The following GPM6A variants were observed in gnomAD, a reference collection of about 807,000 sequenced individuals.
GPM6A encodes the protein glycoprotein M6A.
GPM6A carries 7 observed loss-of-function variants against 32.1 expected under a neutral mutation model. That is an observed-to-expected ratio of 0.22 (90% CI 0.12 to 0.41). The LOEUF is 0.41. Among genes scored for constraint, GPM6A ranks in the 10% least tolerant of loss-of-function variants. The pLI, the probability that GPM6A is intolerant of heterozygous loss-of-function variation, is 1.00. For synonymous variants in GPM6A, 130 were observed against 123.4 expected, an observed-to-expected ratio of 1.05 and a Z score of -0.35; for missense variants, 235 against 347.2, an observed-to-expected ratio of 0.68 and a Z score of 2.57.
intron 3 of GPM6A, among the ~76,000 whole-genome samples, chr4:175,659,212 A>G (rs900849573): frequency 1.3e-5 from 2 of 151,720 alleles, no homozygotes. Context: ...CCTCTAGAGT[A>G]GCTGGGACTA....
intron 2 of GPM6A, among the ~76,000 whole-genome samples, chr4:175,690,551 C>T (rs1456638725): frequency 6.6e-6 from 1 of 152,244 alleles, no homozygotes; most frequent in Admixed American, 6.5e-5. Flanking sequence ...ACTTCCCTTG[C>T]ACTTTCCGAC....
At chr4:175,873,330 AC>A (rs528093500) in intron 1 of GPM6A, among the ~76,000 whole-genome samples, 14 of 152,236 alleles carry the variant, frequency 9.2e-5, no homozygotes, top group African/African-American at 3.1e-4. Flanking sequence ...TGAAAAAAAA[AC>A]ACTGTAAACA....
chr4:175,760,367 A>G (rs1313297856), intron 1 of GPM6A, among the ~76,000 whole-genome samples: 1 of 152,116 alleles, frequency 6.6e-6, no homozygotes, highest in Admixed American at 6.6e-5. Context: ...GCAGGTGTAT[A>G]AGATGTATAA....
chr4:175,722,706 T>C (rs1275320482), intron 1 of GPM6A, among the ~76,000 whole-genome samples: 2 of 152,054 alleles, frequency 1.3e-5, no homozygotes. Context: ...ATGTACAATA[T>C]GTATAATTTT....
rs545799101 is a variant in GPM6A, at chr4:175,819,734, T to C, written c.-22-7485A>G. On this transcript the variant is annotated intron_variant, in intron 1 of 7. Coordinates refer to the GPM6A transcript ENST00000280187. ...CCACCTGGATATCCGCCTACACTTA[T>C]GTAAGTAGTAGACCCAAAGGCATTT... 3.3e-3 allele frequency among the ~76,000 whole-genome samples: 508 copies of C among 152,348 alleles called. 1 individual carries two copies. Among genetic ancestry groups the C allele is most frequent in the African/African-American group, 0.011 (463 of 41,586 alleles).
chr4:175,929,573 T>C (rs1222007339), intron 1 of GPM6A, among the ~76,000 whole-genome samples: 1 of 152,172 alleles, frequency 6.6e-6, no homozygotes, highest in Non-Finnish European at 1.5e-5. Context: ...CCAGGTGTAA[T>C]ATTACTCCTT....
At chr4:175,698,948 A>T (rs950952162) in intron 2 of GPM6A, among the ~76,000 whole-genome samples, 2 of 152,174 alleles carry the variant, frequency 1.3e-5, no homozygotes, top group African/African-American at 4.8e-5. Context: ...TGTTGTTTAA[A>T]TATCAAATAT....
At chr4:175,808,285 T>G (rs1265030027) in intron 1 of GPM6A, among the ~76,000 whole-genome samples, 1 of 152,202 alleles carries the variant, frequency 6.6e-6, no homozygotes, top group Non-Finnish European at 1.5e-5. Flanking sequence ...TATATCCTTG[T>G]GTGCATAGAT....
chr4:175,648,094 T>G (rs1741574724), intron 4 of GPM6A, among the ~76,000 whole-genome samples: 1 of 151,972 alleles, frequency 6.6e-6, no homozygotes, highest in Non-Finnish European at 1.5e-5. Context: ...TAGAAAGAAA[T>G]AATATAGCAC....
intron 1 of GPM6A, among the ~76,000 whole-genome samples, chr4:175,867,584 T>G (rs1218852506): frequency 6.6e-6 from 1 of 152,200 alleles, no homozygotes; most frequent in Non-Finnish European, 1.5e-5. Context: ...ATTTCTGGGC[T>G]CTCTATTCTG....
chr4:175,801,901 T>C (rs1331151541), intron 1 of GPM6A, among the ~76,000 whole-genome samples: 1 of 152,056 alleles, frequency 6.6e-6, no homozygotes, highest in Non-Finnish European at 1.5e-5. Flanking sequence ...TTATGTAAAA[T>C]AGTGGTCGCT....
rs1738551648 is a variant in GPM6A, at chr4:175,918,084, A to G, written c.-23+84225T>C. Among the ~76,000 whole-genome samples, 3 of 152,060 alleles carry G rather than the reference A, an allele frequency of 2.0e-5. No homozygotes were observed. The South Asian group carries it at 6.2e-4, about 31-fold the overall frequency. ...TATTATATAAATCTTGATTCCCACA[A>G]TGAAAATTTCTATAGAGAGCATATT... On this transcript the variant is annotated intron_variant, in intron 1 of 7. Transcript: ENST00000280187.
intron 3 of GPM6A, among the ~76,000 whole-genome samples, chr4:175,672,521 C>T (rs1368216433): frequency 2.0e-5 from 3 of 152,188 alleles, no homozygotes; most frequent in Non-Finnish European, 4.4e-5. Flanking sequence ...TTGGGCATCA[C>T]TGAAAATTGG....
intron 1 of GPM6A, among the ~76,000 whole-genome samples, chr4:175,909,318 C>T (rs940125691): frequency 3.3e-5 from 5 of 152,040 alleles, no homozygotes; most frequent in South Asian, 4.1e-4. Context: ...CTCCAACTGG[C>T]GCATTTGGAT....
chr4:175,875,918 A>G (rs1248921545), intron 1 of GPM6A, among the ~76,000 whole-genome samples: 1 of 152,166 alleles, frequency 6.6e-6, no homozygotes, highest in Non-Finnish European at 1.5e-5. Context: ...CTTGATGTAA[A>G]TCTTGTCTTG....
At chr4:175,778,458 C>G (rs1232988854) in intron 1 of GPM6A, among the ~76,000 whole-genome samples, 1 of 151,516 alleles carries the variant, frequency 6.6e-6, no homozygotes, top group African/African-American at 2.4e-5. Flanking sequence ...AGCCCCGTCT[C>G]TACTAAAAAT....
intron 1 of GPM6A, among the ~76,000 whole-genome samples, chr4:175,903,494 T>C (rs1172489126): frequency 6.6e-6 from 1 of 152,082 alleles, no homozygotes; most frequent in East Asian, 1.9e-4. Flanking sequence ...TACTTACTAA[T>C]TACAAAGGGG....
At chr4:175,933,823 C>T (rs1420048839) in intron 1 of GPM6A, among the ~76,000 whole-genome samples, 1 of 152,118 alleles carries the variant, frequency 6.6e-6, no homozygotes, top group Non-Finnish European at 1.5e-5. Flanking sequence ...GGATTACAGG[C>T]GTGAGCCACT....
chr4:175,956,967 A>G (rs530428362), intron 1 of GPM6A, among the ~76,000 whole-genome samples: 69 of 152,346 alleles, frequency 4.5e-4, no homozygotes, highest in Non-Finnish European at 6.9e-4. Context: ...AAGTAAACAG[A>G]AATTACTCAA....
Sources: gnomAD v4.1 joint callset for allele counts (sites outside exome capture counted in the v4.1 genomes callset) on GRCh38, gnomAD v4.1.1 for gene constraint, MANE v1.5 for transcripts, NCBI Gene and HGNC (gene_info 2026-07-23, HGNC 2026-07-21) for gene names.